GRIK2: variants seen among roughly 807,000 people sequenced by gnomAD.
GRIK2 encodes glutamate ionotropic receptor kainate type subunit 2, also known as glutamate receptor ionotropic, kainate 2.
GRIK2 carries 32 observed loss-of-function variants against 100.3 expected under a neutral mutation model. The ratio of observed to expected loss-of-function variants is 0.32; its 90% confidence interval spans 0.24 to 0.43. The LOEUF (loss-of-function observed/expected upper bound fraction) is 0.43. GRIK2 is among the 20% of genes least tolerant of loss of function. GRIK2 has a pLI of 1.00. For synonymous variants in GRIK2, 417 were observed against 389.4 expected (o/e 1.07, Z -0.83); for missense variants, 843 against 1,114.9 (o/e 0.76, Z 3.47).
intron 2 of GRIK2, among the ~76,000 whole-genome samples, chr6:101,603,888 A>T (rs536426909): frequency 6.6e-6 from 1 of 151,938 alleles, no homozygotes. Context: ...ATTGCTAAGA[A>T]TAAGAAAAAA....
intron 7 of GRIK2, among the ~76,000 whole-genome samples, chr6:101,699,267 T>C (rs1269520628): frequency 6.6e-6 from 1 of 152,132 alleles, no homozygotes; most frequent in Non-Finnish European, 1.5e-5. Flanking sequence ...AAGGCCATTT[T>C]TGCCAATTGT....
At chr6:101,791,991 TG>T (rs1458664827) in intron 7 of GRIK2, among the ~76,000 whole-genome samples, 2 of 152,068 alleles carry the variant, frequency 1.3e-5, no homozygotes, top group African/African-American at 4.8e-5. Context: ...TGATCTTTGT[TG>T]GTTTAAAGTC....
intron 4 of GRIK2, among the ~76,000 whole-genome samples, chr6:101,628,589 G>T (rs1196085625): frequency 6.6e-6 from 1 of 152,008 alleles, no homozygotes; most frequent in Non-Finnish European, 1.5e-5. Context: ...GTAATCAAAT[G>T]ATCCAAGGGA....
chr6:101,963,990 A>G, intron 14 of GRIK2, among the ~76,000 whole-genome samples: 1 of 151,992 alleles, frequency 6.6e-6, no homozygotes, highest in East Asian at 1.9e-4. Context: ...TCTGGAGCTA[A>G]TGGGAAGGAG....
chr6:101,632,917 G>T (rs970540118), intron 4 of GRIK2, among the ~76,000 whole-genome samples: 1 of 152,050 alleles, frequency 6.6e-6, no homozygotes, highest in South Asian at 2.1e-4. Context: ...AGAAAGTGAC[G>T]TTATAAAATT....
intron 2 of GRIK2, among the ~76,000 whole-genome samples, chr6:101,608,522 T>G (rs545770628): frequency 6.6e-5 from 10 of 151,596 alleles, no homozygotes; most frequent in Non-Finnish European, 1.3e-4. Flanking sequence ...AATTGCTTGC[T>G]CAAAGATTAT....
At chr6:101,558,267 C>T (rs1007022404) in intron 2 of GRIK2, among the ~76,000 whole-genome samples, 3 of 151,810 alleles carry the variant, frequency 2.0e-5, no homozygotes, top group South Asian at 2.1e-4. Flanking sequence ...GGTAGGCCTT[C>T]GGGTTTAGAA....
chr6:101,467,754 ATC>A (rs1554204100), intron 2 of GRIK2, among the ~76,000 whole-genome samples: 3 of 152,196 alleles, frequency 2.0e-5, no homozygotes, highest in Non-Finnish European at 2.9e-5. Context: ...ACAGTGAAAC[ATC>A]TACATACAAA....
intron 7 of GRIK2, among the ~76,000 whole-genome samples, chr6:101,769,322 C>G (rs78509312): frequency 0.013 from 1,954 of 152,196 alleles, 40 homozygotes; most frequent in African/African-American, 0.045. Flanking sequence ...TGTGTATATT[C>G]ATTGGGTAGC....
intron 14 of GRIK2, among the ~76,000 whole-genome samples, chr6:101,944,263 T>A (rs1294599278): frequency 1.3e-5 from 2 of 152,174 alleles, no homozygotes; most frequent in Non-Finnish European, 2.9e-5. Flanking sequence ...AAATTACTCA[T>A]TTTTAGGTAG....
intron 14 of GRIK2, among the ~76,000 whole-genome samples, chr6:101,985,074 G>A (rs1793945552): frequency 6.6e-6 from 1 of 151,534 alleles, no homozygotes; most frequent in African/African-American, 2.4e-5. Flanking sequence ...ACTAACCTCG[G>A]TTAATAGAGA....
At chr6:102,023,796 TA>T (rs573492939) in intron 14 of GRIK2, among the ~76,000 whole-genome samples, 80 of 151,644 alleles carry the variant, frequency 5.3e-4, no homozygotes, top group Non-Finnish European at 9.0e-4. Context: ...GGGGTTGGGT[TA>T]AACAGTTCAA....
intron 2 of GRIK2, among the ~76,000 whole-genome samples, chr6:101,582,512 C>G (rs2128303481): frequency 6.6e-6 from 1 of 152,212 alleles, no homozygotes; most frequent in Admixed American, 6.6e-5. Flanking sequence ...TTCCTGAGGT[C>G]TCCTCAGCCT....
At chr6:101,813,962 CAA>C (rs60375013) in intron 9 of GRIK2, among the ~76,000 whole-genome samples, 16 of 122,996 alleles carry the variant, frequency 1.3e-4, no homozygotes, top group East Asian at 4.2e-4. Context: ...AGCTCCATCT[CAA>C]AAAAAAAAAA....
At chr6:101,993,111 G>A (rs1794457748) in intron 14 of GRIK2, 1 of 151,166 alleles carries the variant, frequency 6.6e-6, no homozygotes, top group African/African-American at 2.4e-5. Context: ...ATGGGAGAGA[G>A]CCAATAACAT....
intron 11 of GRIK2, among the ~76,000 whole-genome samples, chr6:101,870,397 C>A (rs960244796): frequency 1.4e-4 from 22 of 151,756 alleles, no homozygotes; most frequent in Admixed American, 7.2e-4. Context: ...TATAAAACTA[C>A]TTATAATCAG....
intron 14 of GRIK2, among the ~76,000 whole-genome samples, chr6:102,026,880 C>T (rs370213635): frequency 6.6e-6 from 1 of 151,228 alleles, no homozygotes; most frequent in African/African-American, 2.4e-5. Context: ...CTCAGATCCA[C>T]CTTTGATATG....
At chr6:101,498,147 T>G (rs1773549433) in intron 2 of GRIK2, among the ~76,000 whole-genome samples, 1 of 150,052 alleles carries the variant, frequency 6.7e-6, no homozygotes, top group African/African-American at 2.5e-5. Context: ...GATAGTTTAC[T>G]GAGAATGATG....
At chr6:101,781,755 A>AT (rs1258888373) in intron 7 of GRIK2, among the ~76,000 whole-genome samples, 8 of 151,736 alleles carry the variant, frequency 5.3e-5, no homozygotes, top group Non-Finnish European at 4.4e-5. Flanking sequence ...TCAGAAATCT[A>AT]TTTTTTTCAT....
Sources: gnomAD v4.1 joint callset for allele counts (sites outside exome capture counted in the v4.1 genomes callset) on GRCh38, gnomAD v4.1.1 for gene constraint, MANE v1.5 for transcripts, NCBI Gene and HGNC (gene_info 2026-07-23, HGNC 2026-07-21) for gene names.